Variants in IMMP1L observed in about 807,000 individuals in gnomAD.
The protein encoded by IMMP1L is inner mitochondrial membrane peptidase subunit 1.
A neutral mutation model predicts 21.8 loss-of-function variants in IMMP1L; 24 were observed. That is an observed-to-expected ratio of 1.10 (90% CI 0.80 to 1.55). The LOEUF (loss-of-function observed/expected upper bound fraction) is 1.55. IMMP1L is among the 40% of genes most tolerant of loss of function. The pLI is 0.00. For missense variants in IMMP1L, 195 were observed against 200.7 expected, an observed-to-expected ratio of 0.97 and a Z score of 0.17; for synonymous variants, 46 against 62.8, an observed-to-expected ratio of 0.73 and a Z score of 1.26.
At chr11:31,494,381 G>A (rs1351568651) in intron 1 of IMMP1L, among the ~76,000 whole-genome samples, 2 of 152,214 alleles carry the variant, frequency 1.3e-5, no homozygotes, top group Non-Finnish European at 2.9e-5. Flanking sequence ...GGCTGGAGCT[G>A]ACACAGCTGG....
intron 1 of IMMP1L, among the ~76,000 whole-genome samples, chr11:31,473,214 T>C (rs1331482952): frequency 1.3e-5 from 2 of 152,140 alleles, no homozygotes; most frequent in Non-Finnish European, 2.9e-5. Flanking sequence ...CACGCCCGGC[T>C]AATTTTTTGT....
Position 31,460,634 on chromosome 11 carries a change from A to G in IMMP1L, c.186T>C (p.Gly62=). The change falls in exon 3 of 6, where the codon GGT becomes GGC. Residue 62 remains glycine, a synonymous_variant. Coordinates refer to ENST00000532287, the MANE Select transcript of IMMP1L (RefSeq NM_001304274.2). ...CCATGACAGAAATTTACCTTTGGAT[A>G]CCATAAAAATGTCGACTAAGATTTT... ...FAENLSRHFY[G]IQRGDIVIAK... 3 of 1,593,752 alleles carry G rather than the reference A, an allele frequency of 1.9e-6. No homozygotes were observed. The highest frequency in any genetic ancestry group is 1.1e-5 in the South Asian group (1 of 90,422).
At chr11:31,435,689 T>C (rs1436356127) in intron 4 of IMMP1L, among the ~76,000 whole-genome samples, 1 of 152,328 alleles carries the variant, frequency 6.6e-6, no homozygotes, top group East Asian at 1.9e-4. Context: ...GCCATTTGGC[T>C]ACTGGATTGA....
At chr11:31,479,204 A>G (rs1954813086) in intron 1 of IMMP1L, among the ~76,000 whole-genome samples, 1 of 152,080 alleles carries the variant, frequency 6.6e-6, no homozygotes, top group Non-Finnish European at 1.5e-5. Flanking sequence ...TACTTGCAAT[A>G]TGGCTTACTT....
intron 3 of IMMP1L, among the ~76,000 whole-genome samples, chr11:31,457,503 A>C (rs896092531): frequency 7.2e-5 from 11 of 152,202 alleles, no homozygotes; most frequent in African/African-American, 2.7e-4. Context: ...GAAATAGTTT[A>C]ATGAAGCATA....
In IMMP1L at chr11:31,447,797, G is replaced by C. The variant is rs1472277096; in HGVS notation, c.321+8463C>G. ...TTTTATAATATGCATACCTGCTTTTGTATCTATTTTTCCTTTTTTTCATTC... is the reference window on the plus strand; with the variant it reads ...TTTTATAATATGCATACCTGCTTTTCTATCTATTTTTCCTTTTTTTCATTC... On this transcript the variant is annotated intron_variant, in intron 4 of 5. Coordinates refer to ENST00000532287, the MANE Select transcript of IMMP1L (RefSeq NM_001304274.2). 3.9e-5 allele frequency among the ~76,000 whole-genome samples: 6 copies of C among 152,076 alleles called. No homozygotes were observed. In the East Asian group the frequency reaches 1.2e-3, roughly 29 times the overall value.
rs368513355 is a variant in IMMP1L, at chr11:31,508,374, A to G, written c.-30+1145T>C. Among the ~76,000 whole-genome samples the G allele has an allele frequency of 2.6e-5, 4 of 152,224 alleles. No homozygotes were observed. In the East Asian group the frequency reaches 5.8e-4, roughly 22 times the overall value. ...ATTACCATAGGTCTAAAATGACAAG[A>G]TTAAGTCCAAACAGACAGTAATCAC... On this transcript the variant is annotated intron_variant, in intron 1 of 5. Coordinates refer to ENST00000532287, the MANE Select transcript of IMMP1L (RefSeq NM_001304274.2).
chr11:31,482,308 A>C (rs2133756679), intron 1 of IMMP1L, among the ~76,000 whole-genome samples: 1 of 152,216 alleles, frequency 6.6e-6, no homozygotes, highest in South Asian at 2.1e-4. Context: ...GAAGTAGATA[A>C]ATATTTCTTA....
intron 3 of IMMP1L, among the ~76,000 whole-genome samples, chr11:31,459,107 A>ATTTT (rs926184669): frequency 6.6e-6 from 1 of 152,202 alleles, no homozygotes; most frequent in Non-Finnish European, 1.5e-5. Flanking sequence ...TATAAGTTTT[A>ATTTT]TTTTATAATT....
In IMMP1L at chr11:31,466,951, T is replaced by A. The variant is rs568433951; in HGVS notation, c.-29-3646A>T. The stretch of plus-strand genomic sequence containing the variant: ...TAAAGAAATGATGTGTTTGAGGTGA[T>A]GACTACGCTAATTACCCTGATTTGA... On this transcript the variant is annotated intron_variant, in intron 1 of 5. Coordinates refer to ENST00000532287, the MANE Select transcript of IMMP1L (RefSeq NM_001304274.2). 6.3e-4 allele frequency among the ~76,000 whole-genome samples: 96 copies of A among 152,282 alleles called. 1 individual carries two copies. The highest frequency in any genetic ancestry group is 3.1e-4 in the Non-Finnish European group (21 of 67,982).
intron 4 of IMMP1L, among the ~76,000 whole-genome samples, chr11:31,455,879 G>A (rs1035112675): frequency 6.6e-6 from 1 of 152,108 alleles, no homozygotes; most frequent in Admixed American, 6.5e-5. Flanking sequence ...GTGTTATGAT[G>A]ATGAAGATAA....
intron 4 of IMMP1L, among the ~76,000 whole-genome samples, chr11:31,450,407 A>G (rs1953705973): frequency 7.9e-6 from 1 of 126,482 alleles, no homozygotes; most frequent in South Asian, 2.4e-4. Flanking sequence ...AGGAGACTTA[A>G]TCTTAACTAA....
chr11:31,473,184 G>T (rs998525595), intron 1 of IMMP1L, among the ~76,000 whole-genome samples: 1 of 152,180 alleles, frequency 6.6e-6, no homozygotes, highest in Non-Finnish European at 1.5e-5. Flanking sequence ...TAAGTAACTG[G>T]GACTACAGGC....
chr11:31,489,126 T>C (rs1035743686), intron 1 of IMMP1L, among the ~76,000 whole-genome samples: 2 of 152,092 alleles, frequency 1.3e-5, no homozygotes, highest in African/African-American at 4.8e-5. Context: ...CTTGATTTCC[T>C]GACCTTGTGA....
chr11:31,451,709 A>C (rs1410650720), intron 4 of IMMP1L, among the ~76,000 whole-genome samples: 1 of 152,206 alleles, frequency 6.6e-6, no homozygotes, highest in African/African-American at 2.4e-5. Flanking sequence ...AGTTCAGGGA[A>C]GAGGTTATAC....
chr11:31,496,324 C>A (rs2133809165), intron 1 of IMMP1L, among the ~76,000 whole-genome samples: 1 of 152,198 alleles, frequency 6.6e-6, no homozygotes, highest in African/African-American at 2.4e-5. Flanking sequence ...CAGAAAATAA[C>A]AAATGTTGCT....
intron 1 of IMMP1L, among the ~76,000 whole-genome samples, chr11:31,494,093 G>A (rs965998407): frequency 1.3e-5 from 2 of 152,246 alleles, no homozygotes; most frequent in African/African-American, 2.4e-5. Context: ...ACCAGGCCAT[G>A]CCCCAGTGGG....
chr11:31,485,216 T>G (rs16922193), intron 1 of IMMP1L, among the ~76,000 whole-genome samples: 2,241 of 152,018 alleles, frequency 0.015, 23 homozygotes, highest in East Asian at 0.057. Flanking sequence ...CCTTTGTAAC[T>G]GCCATTTTTA....
At chr11:31,484,823 C>A (rs1441214298) in intron 1 of IMMP1L, among the ~76,000 whole-genome samples, 1 of 151,822 alleles carries the variant, frequency 6.6e-6, no homozygotes, top group Non-Finnish European at 1.5e-5. Flanking sequence ...GATGTGCTCA[C>A]TGCAATAAAC....
Sources: gnomAD v4.1 joint callset for allele counts (sites outside exome capture counted in the v4.1 genomes callset) on GRCh38, gnomAD v4.1.1 for gene constraint, MANE v1.5 for transcripts, NCBI Gene and HGNC (gene_info 2026-07-23, HGNC 2026-07-21) for gene names.